The following CHST11 variants were observed in gnomAD, a reference collection of about 807,000 sequenced individuals.
CHST11 encodes carbohydrate sulfotransferase 11, also known as C4S-1.
In CHST11, 9 loss-of-function variants were observed where a neutral mutation model predicts 30.4. The ratio of observed to expected loss-of-function variants is 0.30; its 90% CI spans 0.18 to 0.52. The LOEUF (loss-of-function observed/expected upper bound fraction) is 0.52, where lower values mean the gene tolerates loss of function less well. Ranked by LOEUF, CHST11 falls within the 20% of genes least tolerant of loss-of-function variation. CHST11 has a pLI of 0.97. For synonymous variants in CHST11, 152 were observed against 187.8 expected, an observed-to-expected ratio of 0.81 and a Z score of 1.56; for missense variants, 348 against 460.6, an observed-to-expected ratio of 0.76 and a Z score of 2.24.
intron 1 of CHST11, among the ~76,000 whole-genome samples, chr12:104,483,159 T>C (rs1410850968): frequency 6.6e-6 from 1 of 152,102 alleles, no homozygotes; most frequent in East Asian, 1.9e-4. Flanking sequence ...ACCCTTCACA[T>C]CCCAGTTCCT....
At chr12:104,642,032 G>A (rs1052076012) in intron 2 of CHST11, among the ~76,000 whole-genome samples, 1 of 152,138 alleles carries the variant, frequency 6.6e-6, no homozygotes, top group Non-Finnish European at 1.5e-5. Context: ...GCTGCTGAAC[G>A]TCCTATGGTG....
intron 2 of CHST11, among the ~76,000 whole-genome samples, chr12:104,670,796 A>G (rs2136095277): frequency 7.0e-6 from 1 of 142,984 alleles, no homozygotes; most frequent in Middle Eastern, 4.0e-3. Flanking sequence ...ACTCTCACAC[A>G]CACCCCACAT....
At chr12:104,724,409 G>A (rs1482737232) in intron 2 of CHST11, among the ~76,000 whole-genome samples, 1 of 152,114 alleles carries the variant, frequency 6.6e-6, no homozygotes, top group Non-Finnish European at 1.5e-5. Context: ...CCATGGCAAT[G>A]TGCTGAATGC....
intron 1 of CHST11, among the ~76,000 whole-genome samples, chr12:104,517,654 A>G (rs750494778): frequency 3.9e-5 from 6 of 152,162 alleles, no homozygotes; most frequent in Non-Finnish European, 8.8e-5. Context: ...TCTAGATGCC[A>G]TCACCCTCAC....
At chr12:104,484,627 GGGACATT>G in intron 1 of CHST11, among the ~76,000 whole-genome samples, 1 of 152,226 alleles carries the variant, frequency 6.6e-6, no homozygotes, top group South Asian at 2.1e-4. Context: ...GCACAGCCCA[GGGACATT>G]GTAAGTGGTC....
intron 2 of CHST11, among the ~76,000 whole-genome samples, chr12:104,702,549 G>C (rs1645844258): frequency 6.6e-6 from 1 of 151,952 alleles, no homozygotes; most frequent in African/African-American, 2.4e-5. Flanking sequence ...TTGACTGATG[G>C]GACATGGGAG....
intron 1 of CHST11, among the ~76,000 whole-genome samples, chr12:104,578,958 G>A (rs955260413): frequency 2.6e-5 from 4 of 152,202 alleles, no homozygotes; most frequent in Admixed American, 6.5e-5. Flanking sequence ...AATGTTTGTT[G>A]AGGGCCTATT....
At chr12:104,481,845 G>GC (rs2037626253) in intron 1 of CHST11, among the ~76,000 whole-genome samples, 3 of 84,236 alleles carry the variant, frequency 3.6e-5, no homozygotes, top group African/African-American at 5.9e-5. Flanking sequence ...CCTTTCTCTT[G>GC]CATTTTTTTT....
intron 2 of CHST11, among the ~76,000 whole-genome samples, chr12:104,736,427 G>A (rs955267154): frequency 1.3e-5 from 2 of 152,182 alleles, no homozygotes; most frequent in Non-Finnish European, 2.9e-5. Flanking sequence ...AGAATGCCCA[G>A]CCTGGCCGAG....
intron 1 of CHST11, among the ~76,000 whole-genome samples, chr12:104,527,554 A>C (rs2038139421): frequency 6.6e-6 from 1 of 152,138 alleles, no homozygotes; most frequent in African/African-American, 2.4e-5. Context: ...ACCGACGTGG[A>C]TCTTCTATAC....
chr12:104,682,644 A>G (rs1307187932), intron 2 of CHST11, among the ~76,000 whole-genome samples: 2 of 152,228 alleles, frequency 1.3e-5, no homozygotes, highest in Non-Finnish European at 2.9e-5. Context: ...TTTTTCACCA[A>G]ACTGACATTG....
At chr12:104,464,558 T>A (rs1326423142) in intron 1 of CHST11, among the ~76,000 whole-genome samples, 2 of 151,954 alleles carry the variant, frequency 1.3e-5, no homozygotes, top group Non-Finnish European at 2.9e-5. Context: ...GGTTGGAGTG[T>A]AGTGGTGAGA....
chr12:104,550,544 T>C (rs1048176007), intron 1 of CHST11, among the ~76,000 whole-genome samples: 2 of 152,092 alleles, frequency 1.3e-5, no homozygotes, highest in Non-Finnish European at 2.9e-5. Context: ...CACAAATGAG[T>C]GTGGCTGTCA....
rs2040238162 is a variant in CHST11, at chr12:104,729,248, C to T, written c.205-27701C>T. 1.3e-5 allele frequency among the ~76,000 whole-genome samples: 2 copies of T among 152,148 alleles called. No homozygotes were observed. The highest frequency in any genetic ancestry group is 1.3e-4 in the Admixed American group (2 of 15,278). ...TGACCTCCTGCCCCACATACTCTGT[C>T]CCCTTGAGCAAGCCTCTCTGTGACC... On this transcript the variant is annotated intron_variant, in intron 2 of 2. Coordinates refer to ENST00000303694, the MANE Select transcript of CHST11 (RefSeq NM_018413.6). This position sits in a 1 kb window ranked among gnomAD's most constrained non-coding sequence, Gnocchi z 4.0.
At chr12:104,532,275 G>A (rs1017634956) in intron 1 of CHST11, among the ~76,000 whole-genome samples, 1 of 152,080 alleles carries the variant, frequency 6.6e-6, no homozygotes, top group Non-Finnish European at 1.5e-5. Flanking sequence ...GACTGGCAAA[G>A]TTTCACTCCA....
At chr12:104,587,132 A>T (rs2038813401) in intron 1 of CHST11, among the ~76,000 whole-genome samples, 1 of 152,166 alleles carries the variant, frequency 6.6e-6, no homozygotes, top group Non-Finnish European at 1.5e-5. Context: ...GGTCTTTTTC[A>T]TGTCACTGTG....
chr12:104,754,829 T>C (rs1228570338), intron 2 of CHST11, among the ~76,000 whole-genome samples: 1 of 152,194 alleles, frequency 6.6e-6, no homozygotes, highest in South Asian at 2.1e-4. Flanking sequence ...TTGGTTTGCT[T>C]CCTCCCTTGG....
At chr12:104,546,883 G>A (rs568169278) in intron 1 of CHST11, among the ~76,000 whole-genome samples, 1 of 152,338 alleles carries the variant, frequency 6.6e-6, no homozygotes, top group Non-Finnish European at 1.5e-5. Flanking sequence ...GACAAGTATG[G>A]TCCCAGGCTG....
intron 1 of CHST11, among the ~76,000 whole-genome samples, chr12:104,475,677 T>TAC (rs2037552141): frequency 1.6e-5 from 2 of 121,368 alleles, no homozygotes; most frequent in South Asian, 2.5e-4. Flanking sequence ...TATATATATA[T>TAC]ATATATATAT....
Sources: gnomAD v4.1 joint callset for allele counts (sites outside exome capture counted in the v4.1 genomes callset) on GRCh38, gnomAD v4.1.1 for gene constraint, Gnocchi (gnomAD v3.1) non-coding constraint, MANE v1.5 for transcripts, NCBI Gene and HGNC (gene_info 2026-07-23, HGNC 2026-07-21) for gene names.